PPARGC1A: variants seen among roughly 807,000 people sequenced by gnomAD.
PPARGC1A encodes the protein PPARG coactivator 1 alpha, also known as peroxisome proliferator-activated receptor gamma coactivator 1-alpha.
Under a neutral mutation model 88.7 loss-of-function variants are expected in PPARGC1A, and 25 were observed. The ratio of observed to expected loss-of-function variants is 0.28; its 90% CI spans 0.21 to 0.39. The LOEUF is 0.39. Ranked by LOEUF, PPARGC1A falls within the 10% of genes least tolerant of loss-of-function variation. The pLI is 1.00. For synonymous variants in PPARGC1A, 363 were observed against 355.6 expected (o/e 1.02, Z -0.24); for missense variants, 880 against 968.7 (o/e 0.91, Z 1.22).
chr4:24,316,801 T>C, the PPARGC1A span, among the ~76,000 whole-genome samples: 3 of 152,120 alleles, frequency 2.0e-5, no homozygotes, highest in African/African-American at 7.2e-5. Context: ...ACTATGAAAA[T>C]GGTAACTAGT....
the PPARGC1A span, among the ~76,000 whole-genome samples, chr4:24,003,606 A>C: frequency 6.6e-6 from 1 of 152,160 alleles, no homozygotes; most frequent in Non-Finnish European, 1.5e-5. Context: ...GCATAAGACC[A>C]GTAAGTACAA....
At chr4:24,032,693 G>A in the PPARGC1A span, among the ~76,000 whole-genome samples, 2 of 152,256 alleles carry the variant, frequency 1.3e-5, no homozygotes, top group East Asian at 3.9e-4. Context: ...AAGAGGAGTT[G>A]GTTTATTTTT....
At chr4:24,324,424 A>AC in the PPARGC1A span, among the ~76,000 whole-genome samples, 1 of 148,724 alleles carries the variant, frequency 6.7e-6, no homozygotes, top group African/African-American at 2.5e-5. Context: ...GAGGGCAAGA[A>AC]CCCCCCACCC....
intron 10 of PPARGC1A, among the ~76,000 whole-genome samples, chr4:23,811,908 TTTTTTTTTTTTTTTTTTTTTTTTTTTTG>T (rs1720975729): frequency 2.1e-5 from 1 of 47,618 alleles, no homozygotes; most frequent in East Asian, 3.9e-4. Flanking sequence ...TTTTTTTTTT[TTTTTTTTTTTTTTTTTTTTTTTTTTTTG>T]AGACAGAGTC....
the PPARGC1A span, among the ~76,000 whole-genome samples, chr4:24,151,972 T>C: frequency 6.6e-6 from 1 of 152,206 alleles, no homozygotes; most frequent in African/African-American, 2.4e-5. Flanking sequence ...TTAACAATAA[T>C]GCACAGGAAG....
chr4:23,801,743 G>A lies in PPARGC1A; in HGVS notation c.2280C>T (p.Asn760=), dbSNP rs768987762. The A allele has an allele frequency of 4.3e-6, 7 of 1,613,844 alleles. No homozygotes were observed. In the East Asian group the frequency reaches 6.7e-5, roughly 15 times the overall value. ...FCGRKQFFKS[N]YADLDSNSDD... ...TAAAATCCATACCTAGGTCTGCATAGTTAGACTTGAAAAATTGCTTGCGTC... is the reference window on the plus strand; with the variant it reads ...TAAAATCCATACCTAGGTCTGCATAATTAGACTTGAAAAATTGCTTGCGTC... The change falls in exon 12 of 13, where the codon AAC becomes AAT. Residue 760 remains asparagine, a synonymous_variant. Coordinates refer to ENST00000264867, the MANE Select transcript of PPARGC1A (RefSeq NM_013261.5).
chr4:23,850,644 C>A (rs1729116749), intron 2 of PPARGC1A, among the ~76,000 whole-genome samples: 1 of 152,162 alleles, frequency 6.6e-6, no homozygotes, highest in Admixed American at 6.5e-5. Flanking sequence ...TAAAGAGTGA[C>A]AATAGCGGTC....
the PPARGC1A span, among the ~76,000 whole-genome samples, chr4:24,181,108 C>T: frequency 9.8e-5 from 15 of 152,300 alleles, 1 homozygote; most frequent in South Asian, 1.5e-3. Context: ...TAAATCTTAA[C>T]TTTGTCACAA....
At chr4:24,165,981 G>C in the PPARGC1A span, among the ~76,000 whole-genome samples, 20 of 152,218 alleles carry the variant, frequency 1.3e-4, no homozygotes, top group African/African-American at 4.8e-4. Context: ...GCTGAAACGG[G>C]CTGAAAAGTA....
At chr4:24,387,762 G>A in the PPARGC1A span, among the ~76,000 whole-genome samples, 1,685 of 72,324 alleles carry the variant, frequency 0.023, 68 homozygotes, top group African/African-American at 0.081. Flanking sequence ...GAGAGAGAGA[G>A]AGAGAGAAAG....
chr4:23,930,120 A>G, the PPARGC1A span, among the ~76,000 whole-genome samples: 1 of 152,174 alleles, frequency 6.6e-6, no homozygotes, highest in Admixed American at 6.5e-5. Flanking sequence ...TTACCTAGAT[A>G]TTCTGTTTCA....
At chr4:24,077,624 G>GGTGTGTGTGTGTGTGTGTGTGT in the PPARGC1A span, among the ~76,000 whole-genome samples, 1 of 130,902 alleles carries the variant, frequency 7.6e-6, no homozygotes, top group African/African-American at 2.9e-5. Context: ...TGTGTCTAGG[G>GGTGTGTGTGTGTGTGTGTGTGT]GTGTGTGTGT....
At chr4:23,893,791 T>C (rs1354496472), upstream of PPARGC1A, among the ~76,000 whole-genome samples, 1 of 152,180 alleles carries the variant, frequency 6.6e-6, no homozygotes, top group Non-Finnish European at 1.5e-5. Flanking sequence ...AATGTTTCCA[T>C]ATACACTATT....
At chr4:24,347,906 G>A in the PPARGC1A span, among the ~76,000 whole-genome samples, 1 of 152,042 alleles carries the variant, frequency 6.6e-6, no homozygotes, top group Non-Finnish European at 1.5e-5. Flanking sequence ...CTTTAAAGAG[G>A]TTCTGTTTTG....
the PPARGC1A span, among the ~76,000 whole-genome samples, chr4:24,011,281 C>G: frequency 6.6e-6 from 1 of 152,150 alleles, no homozygotes; most frequent in Admixed American, 6.5e-5. Flanking sequence ...ACTTCACCAT[C>G]AGCCATCTGT....
the PPARGC1A span, among the ~76,000 whole-genome samples, chr4:24,274,529 A>G: frequency 6.6e-6 from 1 of 152,156 alleles, no homozygotes; most frequent in African/African-American, 2.4e-5. Context: ...GCGTTCCAAT[A>G]AAACTTTATT....
At chr4:24,277,787 CAGG>C in the PPARGC1A span, among the ~76,000 whole-genome samples, 1 of 152,082 alleles carries the variant, frequency 6.6e-6, no homozygotes, top group Non-Finnish European at 1.5e-5. Context: ...GGGGTCAGGA[CAGG>C]AGAGCAAATG....
At position 23,828,576 on chromosome 4, in the gene PPARGC1A, T is replaced by C. The variant is rs747137513; in HGVS notation, c.581A>G (p.Lys194Arg). The C allele has an allele frequency of 1.9e-6, 3 of 1,614,134 alleles. No individual in the cohort carries two copies. The highest frequency in any genetic ancestry group is 2.5e-6 in the Non-Finnish European group (3 of 1,180,006). ...TGGCTTTTGCTGTTGACAAATACTC[T>C]TCGCTTTATTGCTCCATGAATTCTC... The part of the protein sequence containing the change: ...KTENSWSNKA[K>R]SICQQQKPQR... The change falls in exon 5 of 13, where the codon AAG becomes AGG. Residue 194 changes from lysine (K) to arginine (R), a missense_variant. Transcript: ENST00000264867.
the PPARGC1A span, among the ~76,000 whole-genome samples, chr4:24,348,759 G>A: frequency 2.0e-5 from 3 of 151,842 alleles, no homozygotes; most frequent in Non-Finnish European, 4.4e-5. Flanking sequence ...ACCTTTCTCT[G>A]ATCTTTCCCT....
Sources: gnomAD v4.1 joint callset for allele counts (sites outside exome capture counted in the v4.1 genomes callset) on GRCh38, gnomAD v4.1.1 for gene constraint, MANE v1.5 for transcripts, NCBI Gene and HGNC (gene_info 2026-07-23, HGNC 2026-07-21) for gene names.